ABCB4: variants seen among roughly 807,000 people sequenced by gnomAD.
The protein encoded by ABCB4 is phosphatidylcholine translocator ABCB4.
Under a neutral mutation model 145.7 loss-of-function variants are expected in ABCB4, and 76 were observed. The ratio of observed to expected loss-of-function variants is 0.52; its 90% CI spans 0.43 to 0.63. The LOEUF (loss-of-function observed/expected upper bound fraction) is 0.63. Among genes scored for constraint, ABCB4 ranks in the 30% least tolerant of loss-of-function variants. The pLI, the probability that ABCB4 is intolerant of heterozygous loss-of-function variation, is 0.00. For missense variants in ABCB4, 1,234 were observed against 1,553.1 expected, an observed-to-expected ratio of 0.79 and a Z score of 3.45; for synonymous variants, 517 against 566.8, an observed-to-expected ratio of 0.91 and a Z score of 1.25.
At chr7:87,400,158 C>G (rs941945765), downstream of ABCB4, among the ~76,000 whole-genome samples, 1 of 152,150 alleles carries the variant, frequency 6.6e-6, no homozygotes, top group African/African-American at 2.4e-5. Context: ...CACATGCCAT[C>G]ACCTGGCTGC....
At position 87,418,498 on chromosome 7, in the gene ABCB4, G is replaced by A. The variant is rs1178881158; in HGVS notation, c.2478+39C>T. The A allele has an allele frequency of 1.9e-6, 3 of 1,578,342 alleles. No homozygotes were observed. In the African/African-American group the frequency reaches 4.0e-5, roughly 21 times the overall value. ...ATGCTACATGCTTATCTAAAACCAT[G>A]TTATGTAAAAAACTACAAGTAGAGT... On this transcript the variant is annotated intron_variant, in intron 20 of 27. Coordinates refer to ENST00000649586, the MANE Select transcript of ABCB4 (RefSeq NM_000443.4).
At chr7:87,371,973 G>C in the ABCB4 span, among the ~76,000 whole-genome samples, 1 of 129,752 alleles carries the variant, frequency 7.7e-6, no homozygotes. Flanking sequence ...CAGCCTGGGT[G>C]ACAGAGCAAG....
At position 87,436,583 on chromosome 7, in the gene ABCB4, C is replaced by T. The variant is rs45567342; in HGVS notation, c.1731+3084G>A. ...GCAGAAACATGCAAAGAAATCCACTCAGCTGCAGATACAGATCATTTCTTA... is the reference window on the plus strand; with the variant it reads ...GCAGAAACATGCAAAGAAATCCACTTAGCTGCAGATACAGATCATTTCTTA... On this transcript the variant is annotated intron_variant, in intron 14 of 27. Coordinates refer to ENST00000649586, the MANE Select transcript of ABCB4 (RefSeq NM_000443.4). 2.9e-3 allele frequency among the ~76,000 whole-genome samples: 435 copies of T among 152,248 alleles called. 2 individuals are homozygous for T. Among genetic ancestry groups the T allele is most frequent in the African/African-American group, 9.8e-3 (408 of 41,554 alleles).
intron 22 of ABCB4, among the ~76,000 whole-genome samples, chr7:87,412,823 C>A (rs180675311): frequency 6.6e-6 from 1 of 152,282 alleles, no homozygotes; most frequent in East Asian, 1.9e-4. Flanking sequence ...TCTTCCTTAA[C>A]CCTCCTTGAA....
In ABCB4 at chr7:87,444,771, T is replaced by A. The variant is rs376962535; in HGVS notation, c.1119+91A>T. ...ACTTTAGTCAGTACAACTTATTCAA[T>A]GTAGTTGATTCAAAAATATGCAAAC... On this transcript the variant is annotated intron_variant, in intron 10 of 27. Transcript: ENST00000649586. 8.0e-6 allele frequency: 7 copies of A among 878,022 alleles called. No individual in the cohort carries two copies. The South Asian group carries it at 8.7e-5, about 11-fold the overall frequency. The allele number at this position is 878,022 out of a possible 1,614,324, so 54.4% of individuals were successfully genotyped here.
the ABCB4 span, among the ~76,000 whole-genome samples, chr7:87,379,927 A>G: frequency 6.6e-6 from 1 of 152,118 alleles, no homozygotes; most frequent in African/African-American, 2.4e-5. Context: ...CTTGGGCAAC[A>G]TAGTGAGACC....
intron 11 of ABCB4, 28 bp from the exon 12 acceptor site, chr7:87,443,472 C>T (rs1046627306): frequency 4.3e-6 from 7 of 1,613,734 alleles, no homozygotes; most frequent in Non-Finnish European, 5.9e-6. Flanking sequence ...AAAAAGAACA[C>T]ACTTCACAAC....
chr7:87,409,495 C>T lies in ABCB4; in HGVS notation c.2925-103G>A, dbSNP rs139780585. 2.2e-4 allele frequency: 246 copies of T among 1,130,910 alleles called. No individual in the cohort carries two copies. The African/African-American group carries it at 3.3e-3, about 15-fold the overall frequency. 70.1% of individuals were successfully genotyped at this position (1,130,910 alleles called of 1,614,324 possible). A position where few individuals can be genotyped will look rare whatever the true frequency, so the allele number is the denominator to read the frequency against. ...CTTACCAGTATTTTTTCCCTTTACT[C>T]CTTAATCATCCCCTTTCTCCCCGAC... is the stretch of plus-strand genomic sequence containing the variant. On this transcript the variant is annotated intron_variant, in intron 23 of 27. Coordinates refer to ENST00000649586, the MANE Select transcript of ABCB4 (RefSeq NM_000443.4).
the ABCB4 span, chr7:87,391,467 C>T: frequency 1.1e-6 from 1 of 889,174 alleles, no homozygotes; most frequent in Non-Finnish European, 1.6e-6. Flanking sequence ...TGAAAGTCTC[C>T]AACCTATCTG....
chr7:87,406,643 A>G, intron 25 of ABCB4, 149 bp from the exon 26 acceptor site: 1 of 809,384 alleles, frequency 1.2e-6, no homozygotes, highest in Non-Finnish European at 2.0e-6. Flanking sequence ...CATTGAGGCC[A>G]GCATGGCCAA....
At chr7:87,369,402 A>G in the ABCB4 span, 4 of 1,612,450 alleles carry the variant, frequency 2.5e-6, no homozygotes, top group African/African-American at 2.7e-5. Context: ...CCCAAACCAC[A>G]TTGTAGTGCT....
chr7:87,455,938 T>C (rs2116843630), intron 4 of ABCB4, among the ~76,000 whole-genome samples: 1 of 152,364 alleles, frequency 6.6e-6, no homozygotes, highest in East Asian at 1.9e-4. Flanking sequence ...CAGCATCATC[T>C]TTCCCCCAGG....
the ABCB4 span, among the ~76,000 whole-genome samples, chr7:87,393,732 G>A: frequency 1.8e-3 from 274 of 152,200 alleles, 2 homozygotes; most frequent in African/African-American, 6.3e-3. Context: ...ATAAGAAGAG[G>A]GCAGGCTTGG....
chr7:87,366,544 A>C, the ABCB4 span, among the ~76,000 whole-genome samples: 1 of 152,084 alleles, frequency 6.6e-6, no homozygotes, highest in Admixed American at 6.6e-5. Flanking sequence ...CATTTCCTTC[A>C]GTTTATAGCT....
At chr7:87,438,246 A>G (rs1464484085) in intron 14 of ABCB4, among the ~76,000 whole-genome samples, 1 of 152,174 alleles carries the variant, frequency 6.6e-6, no homozygotes, top group Non-Finnish European at 1.5e-5. Context: ...TATATTTTTA[A>G]GTTAGAATAA....
the ABCB4 span, among the ~76,000 whole-genome samples, chr7:87,370,292 T>A: frequency 6.6e-6 from 1 of 152,072 alleles, no homozygotes; most frequent in Admixed American, 6.6e-5. Context: ...AAGTGATTCT[T>A]CTGCCTCAGC....
chr7:87,368,651 C>T, the ABCB4 span, among the ~76,000 whole-genome samples: 10 of 152,172 alleles, frequency 6.6e-5, no homozygotes, highest in South Asian at 2.1e-4. Context: ...TTCCTTCAAG[C>T]GGCAGTGTAT....
At chr7:87,460,691 C>T (rs1311211246) in intron 4 of ABCB4, among the ~76,000 whole-genome samples, 1 of 151,778 alleles carries the variant, frequency 6.6e-6, no homozygotes, top group Non-Finnish European at 1.5e-5. Flanking sequence ...TGCACTGTCG[C>T]CCAGGCTGGA....
intron 3 of ABCB4, among the ~76,000 whole-genome samples, chr7:87,463,558 G>A (rs931870483): frequency 2.6e-5 from 4 of 152,186 alleles, no homozygotes; most frequent in African/African-American, 4.8e-5. Flanking sequence ...GAGGGAGTTC[G>A]CTGGAGAAGA....
Sources: allele counts gnomAD v4.1 joint callset (sites outside exome capture counted in the v4.1 genomes callset), GRCh38; gene constraint gnomAD v4.1.1; transcripts MANE v1.5; gene names NCBI Gene and HGNC (gene_info 2026-07-23, HGNC 2026-07-21).